Variants in RRM2 observed in about 807,000 individuals in gnomAD.
RRM2 encodes ribonucleoside-diphosphate reductase subunit M2.
A neutral mutation model predicts 45.9 loss-of-function variants in RRM2; 6 were observed. The observed-to-expected ratio is 0.13, with a 90% confidence interval of 0.07 to 0.26. RRM2 has a LOEUF of 0.26. Among genes scored for constraint, RRM2 ranks in the 10% least tolerant of loss-of-function variants. The probability of loss-of-function intolerance (pLI) is 1.00; values close to 1 mark genes in which losing one functional copy is unlikely to be tolerated. For missense variants in RRM2, 343 were observed against 489.5 expected, an observed-to-expected ratio of 0.70 and a Z score of 2.82; for synonymous variants, 177 against 173.0, an observed-to-expected ratio of 1.02 and a Z score of -0.18.
At chr2:10,176,877 G>A (rs1237532642) in intron 3 of RRM2, among the ~76,000 whole-genome samples, 3 of 152,168 alleles carry the variant, frequency 2.0e-5, no homozygotes, top group Non-Finnish European at 4.4e-5. Context: ...ATTTGGGAAT[G>A]GAATTGCTGG....
At chr2:10,144,210 C>T (rs1663143794) in intron 3 of RRM2, among the ~76,000 whole-genome samples, 3 of 152,216 alleles carry the variant, frequency 2.0e-5, no homozygotes, top group African/African-American at 7.2e-5. Flanking sequence ...GTCTGGGGCT[C>T]TGTTTTGAGG....
chr2:10,159,589 T>C (rs185786803), intron 3 of RRM2, among the ~76,000 whole-genome samples: 1 of 152,316 alleles, frequency 6.6e-6, no homozygotes, highest in African/African-American at 2.4e-5. Flanking sequence ...ATTTTAATGG[T>C]GCAGCAAGAA....
chr2:10,175,241 C>G (rs982526576), intron 3 of RRM2, among the ~76,000 whole-genome samples: 3 of 152,350 alleles, frequency 2.0e-5, no homozygotes, highest in East Asian at 3.9e-4. Flanking sequence ...CACTCACACT[C>G]TCTTCAGTAA....
downstream of RRM2, among the ~76,000 whole-genome samples, chr2:10,132,809 A>T (rs897389798): frequency 3.3e-5 from 5 of 152,210 alleles, no homozygotes; most frequent in South Asian, 2.1e-4. Flanking sequence ...CGTCAAGAAG[A>T]TGACCAACTA....
chr2:10,161,619 T>C (rs1663556538), intron 3 of RRM2, among the ~76,000 whole-genome samples: 1 of 152,146 alleles, frequency 6.6e-6, no homozygotes. Flanking sequence ...TTCATATGCA[T>C]ACTCACACAT....
At chr2:10,208,502 A>G (rs750717376) in intron 3 of RRM2, among the ~76,000 whole-genome samples, 15 of 152,208 alleles carry the variant, frequency 9.9e-5, no homozygotes, top group Non-Finnish European at 1.2e-4. Context: ...TTAAAAGCCT[A>G]ACTCTTGACA....
intron 3 of RRM2, among the ~76,000 whole-genome samples, chr2:10,187,195 G>A (rs1664188494): frequency 6.6e-6 from 1 of 152,204 alleles, no homozygotes; most frequent in African/African-American, 2.4e-5. Context: ...TGATGCTGCT[G>A]GGGCCGCTCC....
Position 10,128,835 on chromosome 2 carries a change from C to G in RRM2, c.799-13C>G, listed in dbSNP as rs1662838500. 3 of 1,601,812 alleles carry G rather than the reference C, an allele frequency of 1.9e-6. No homozygotes were observed. In the South Asian group the frequency reaches 3.3e-5, roughly 18 times the overall value. On this transcript the variant is annotated splice_polypyrimidine_tract_variant and intron_variant, in intron 7 of 9. Coordinates refer to ENST00000304567, the MANE Select transcript of RRM2 (RefSeq NM_001034.4). ...GTCTTCTGGCTTTAGTGATCTTGAA[C>G]TTTTTTTTCTAGGGTTTACACTGTG...
chr2:10,128,967 GA>G lies in RRM2; in HGVS notation c.903+18del. On this transcript the variant is annotated intron_variant, in intron 8 of 9. Transcript: ENST00000304567. ...GGATAGAACAGGTAAAGTGGGTGATGAAATGGGTCACTCAAGCTTGCTAGAA... is the reference window on the plus strand; with the variant it reads ...GGATAGAACAGGTAAAGTGGGTGATGAATGGGTCACTCAAGCTTGCTAGAA... 6.2e-7 allele frequency: 1 copy of G among 1,608,628 alleles called. No homozygotes were observed. Among genetic ancestry groups the G allele is most frequent in the Non-Finnish European group, 8.5e-7 (1 of 1,174,976 alleles).
Position 10,123,480 on chromosome 2 carries a change from A to G in RRM2, c.268A>G (p.Ile90Val). ...FVIFPIEYHDIWQMYKKAEAS... is the reference protein window; with the variant it reads ...FVIFPIEYHDVWQMYKKAEAS... ...CATCTTCCCCATCGAGTACCATGAT[A>G]TCTGGCAGATGTATAAGAAGGCAGA... Residue 90 changes from isoleucine (I) to valine (V), a missense_variant, in exon 3 of 10, where the codon ATC (isoleucine) becomes GTC (valine). Around this residue, in one of 2 missense-constraint regions of RRM2, gnomAD observed 131 missense variants for 121.4 expected, o/e 1.08. Coordinates refer to ENST00000304567, the MANE Select transcript of RRM2 (RefSeq NM_001034.4). The G allele has an allele frequency of 6.2e-7, 1 of 1,614,196 alleles. No homozygotes were observed. Among genetic ancestry groups the G allele is most frequent in the Non-Finnish European group, 8.5e-7 (1 of 1,180,034 alleles).
At chr2:10,190,480 C>T (rs1343149935) in intron 3 of RRM2, among the ~76,000 whole-genome samples, 37 of 97,650 alleles carry the variant, frequency 3.8e-4, no homozygotes, top group Middle Eastern at 0.024. Context: ...ATGGTGGTGG[C>T]GATGGTGGGG....
chr2:10,163,385 C>T (rs1379215239), intron 3 of RRM2, among the ~76,000 whole-genome samples: 2 of 152,146 alleles, frequency 1.3e-5, no homozygotes, highest in Admixed American at 1.3e-4. Context: ...AAGCCCACCA[C>T]CTGCAGGGGG....
intron 3 of RRM2, among the ~76,000 whole-genome samples, chr2:10,189,959 G>A (rs1572526514): frequency 1.3e-5 from 2 of 151,778 alleles, no homozygotes; most frequent in South Asian, 4.1e-4. Flanking sequence ...TGGTGGTGAT[G>A]GTGGTAGTGA....
rs1305769108 is a variant in RRM2, at chr2:10,169,849, G to A, written n.482+27474G>A. ...GTCTGGGAGCTGGCTTTGAACTTCT[G>A]CCCACGCTGGAACTTGGGGAGAAGA... is the stretch of plus-strand genomic sequence containing the variant. On this transcript the variant is annotated intron_variant and non_coding_transcript_variant, in intron 3 of 3. Coordinates refer to the RRM2 transcript ENST00000381786. This position sits in a 1 kb window ranked among gnomAD's most constrained non-coding sequence, Gnocchi z 5.1. Among the ~76,000 whole-genome samples, 2 of 152,172 alleles carry A rather than the reference G, an allele frequency of 1.3e-5. No homozygotes were observed. The highest frequency in any genetic ancestry group is 2.4e-5 in the African/African-American group (1 of 41,436).
intron 5 of RRM2, among the ~76,000 whole-genome samples, chr2:10,126,355 C>A (rs1204814955): frequency 5.9e-5 from 9 of 152,040 alleles, no homozygotes; most frequent in Admixed American, 1.3e-4. Flanking sequence ...ATTTGCTTTC[C>A]TGACCTGGGA....
upstream of RRM2, among the ~76,000 whole-genome samples, chr2:10,139,064 C>T (rs990971707): frequency 1.3e-5 from 2 of 152,078 alleles, no homozygotes; most frequent in South Asian, 2.1e-4. Context: ...GTAGAGGTTG[C>T]GCCATTGCAC....
chr2:10,123,201 C>T (rs958519489), intron 2 of RRM2, 144 bp downstream of exon 2: 26 of 1,274,124 alleles, frequency 2.0e-5, no homozygotes, highest in South Asian at 3.1e-5. Flanking sequence ...GCCTCCCGCG[C>T]CCCTCGGCCC....
At chr2:10,155,693 C>CTGGT (rs1410377684) in intron 3 of RRM2, 1 of 152,312 alleles carries the variant, frequency 6.6e-6, no homozygotes, top group Non-Finnish European at 1.5e-5. Flanking sequence ...AGCTGCAGAC[C>CTGGT]CATGAGCCAC....
Position 10,124,755 on chromosome 2 carries a change from C to T in RRM2, c.474C>T (p.Ala158=), listed in dbSNP as rs1299872065. Residue 158 remains alanine, a synonymous_variant, in exon 5 of 10, where the codon GCC becomes GCT. Transcript: ENST00000304567. ...RFSQEVQITE[A]RCFYGFQIAM... is the part of the protein sequence containing the mutation. ...GCCAAGAAGTTCAGATTACAGAAGC[C>T]CGCTGTTTCTATGGCTTCCAAATTG... 1.9e-6 allele frequency: 3 copies of T among 1,611,930 alleles called. No homozygotes were observed. In the African/African-American group the frequency reaches 4.0e-5, roughly 22 times the overall value.
Sources: gnomAD v4.1 joint callset for allele counts (sites outside exome capture counted in the v4.1 genomes callset) on GRCh38, gnomAD v4.1.1 for gene constraint, gnomAD v4.1.1 regional missense constraint, Gnocchi (gnomAD v3.1) non-coding constraint, MANE v1.5 for transcripts, NCBI Gene and HGNC (gene_info 2026-07-23, HGNC 2026-07-21) for gene names.